Variants in SFRP5 observed in about 807,000 individuals in gnomAD.
SFRP5 encodes the protein secreted frizzled-related protein 5.
SFRP5 carries 22 observed loss-of-function variants against 27.0 expected under a neutral mutation model. The observed-to-expected ratio is 0.82, with a 90% confidence interval of 0.58 to 1.17. The LOEUF (loss-of-function observed/expected upper bound fraction) is 1.17. Ranked by LOEUF, SFRP5 falls within the 50% of genes most tolerant of loss-of-function variation. The pLI is 0.00. For synonymous variants in SFRP5, 171 were observed against 195.0 expected (o/e 0.88, Z 1.03); for missense variants, 406 against 436.6 (o/e 0.93, Z 0.63).
intron 2 of SFRP5, 68 bp downstream of exon 2, chr10:97,769,600 C>T: frequency 9.3e-7 from 1 of 1,073,540 alleles, no homozygotes; most frequent in Non-Finnish European, 1.4e-6. Flanking sequence ...ATGTATGTTC[C>T]CGTGTGCGTC....
intron 2 of SFRP5, 61 bp from the exon 3 acceptor site, chr10:97,767,921 G>A (rs917844482): frequency 4.6e-6 from 6 of 1,303,892 alleles, no homozygotes; most frequent in Non-Finnish European, 6.4e-6. Context: ...GATGCTGGTG[G>A]GCACAGAGTT....
chr10:97,768,479 C>A lies in SFRP5; in HGVS notation c.608-619G>T, dbSNP rs2136472057. Among the ~76,000 whole-genome samples the A allele has an allele frequency of 1.3e-5, 2 of 152,202 alleles. 1 individual carries two copies. Among genetic ancestry groups the A allele is most frequent in the East Asian group, 3.9e-4 (2 of 5,178 alleles). On this transcript the variant is annotated intron_variant, in intron 2 of 2. Coordinates refer to ENST00000266066, the MANE Select transcript of SFRP5 (RefSeq NM_003015.3). ...ATTGACATCCATGGGGTAAATACTC[C>A]CACCATAACTGACCGCATGACTGGG...
At position 97,769,368 on chromosome 10, in the gene SFRP5, C is replaced by T. The variant is rs550235052; in HGVS notation, c.607+300G>A. On this transcript the variant is annotated intron_variant, in intron 2 of 2. Coordinates refer to ENST00000266066, the MANE Select transcript of SFRP5 (RefSeq NM_003015.3). ...GCACTATCCACAGAGATGATCCAGTCATGGAGGGCCCTCTGAAAATGACAC... is the reference window on the plus strand; with the variant it reads ...GCACTATCCACAGAGATGATCCAGTTATGGAGGGCCCTCTGAAAATGACAC... Among the ~76,000 whole-genome samples, 3 of 152,374 alleles carry T rather than the reference C, an allele frequency of 2.0e-5. No homozygotes were observed. In the South Asian group the frequency reaches 6.2e-4, roughly 32 times the overall value.
At position 97,771,544 on chromosome 10, in the gene SFRP5, G is replaced by T. The variant is rs200715195; in HGVS notation, c.290C>A (p.Ala97Asp). The change falls in exon 1 of 3, where the codon GCC becomes GAC. Residue 97 changes from alanine to aspartate, a missense_variant. Transcript: ENST00000266066. This position sits in a 1 kb window ranked among gnomAD's most constrained non-coding sequence, Gnocchi z 5.2. ...QQASSWLPLLAKRCHSDTQVF... is the reference protein window; with the variant it reads ...QQASSWLPLLDKRCHSDTQVF... ...CTGCGTATCCGAGTGGCAGCGCTTG[G>T]CCAGCAGCGGCAGCCAGCTGCTCGC... is the stretch of plus-strand genomic sequence containing the variant. 10 of 1,611,078 alleles carry T rather than the reference G, an allele frequency of 6.2e-6. No individual in the cohort carries two copies. The East Asian group carries it at 2.0e-4, about 32-fold the overall frequency.
In SFRP5 at chr10:97,771,461, G is replaced by C; in HGVS notation, c.373C>G (p.Arg125Gly). 6.2e-7 allele frequency: 1 copy of C among 1,612,552 alleles called. No individual in the cohort carries two copies. The highest frequency in any genetic ancestry group is 8.5e-7 in the Non-Finnish European group (1 of 1,179,168). ...GCGCGCACGGCCTCGCACAGCGAGC[G>C]GCACGGGTAGATGGGCCGGTCGAGA... ...VCLDRPIYPCRSLCEAVRAGC... is the reference protein window; with the variant it reads ...VCLDRPIYPCGSLCEAVRAGC... Residue 125 changes from arginine to glycine, a missense_variant, in exon 1 of 3, where the codon CGC becomes GGC. By Grantham distance (125) the Arg-to-Gly change is moderately radical. Coordinates refer to ENST00000266066, the MANE Select transcript of SFRP5 (RefSeq NM_003015.3). The surrounding 1 kb of genome is among the most constrained non-coding windows in gnomAD (Gnocchi z 5.2).
chr10:97,768,473 A>G (rs2049497768), intron 2 of SFRP5, among the ~76,000 whole-genome samples: 1 of 152,060 alleles, frequency 6.6e-6, no homozygotes, highest in Admixed American at 6.5e-5. Context: ...CATGGGGTAA[A>G]TACTCCCACC....
intron 1 of SFRP5, among the ~76,000 whole-genome samples, chr10:97,770,277 C>T (rs1297504687): frequency 6.6e-6 from 1 of 152,180 alleles, no homozygotes; most frequent in Non-Finnish European, 1.5e-5. Flanking sequence ...ACCATGTTGG[C>T]CAGGCTGGTC....
chr10:97,767,564 G>C lies in SFRP5; in HGVS notation c.904C>G (p.Pro302Ala). The C allele has an allele frequency of 6.2e-7, 1 of 1,613,376 alleles. No homozygotes were observed. The highest frequency in any genetic ancestry group is 1.1e-5 in the South Asian group (1 of 91,068). The change falls in exon 3 of 3, where the codon CCC (proline) becomes GCC (alanine). Residue 302 changes from proline (P) to alanine (A), a missense_variant. Transcript: ENST00000266066. ...AAGAAAGGGTAGTAGAGGGAGCAGGGGTAGGAGAACATGAATTTGACTGCA... is the reference window on the plus strand; with the variant it reads ...AAGAAAGGGTAGTAGAGGGAGCAGGCGTAGGAGAACATGAATTTGACTGCA... The part of the protein sequence containing the change: ...KFAVKFMFSY[P>A]CSLYYPFFYG...
Position 97,771,230 on chromosome 10 carries a change from TGGG to T in SFRP5, c.529+72_529+74del, listed in dbSNP as rs1229555331. 1 of 819,142 alleles carries T rather than the reference TGGG, an allele frequency of 1.2e-6. No homozygotes were observed. Among genetic ancestry groups the T allele is most frequent in the Non-Finnish European group, 1.8e-6 (1 of 544,544 alleles). 50.7% of individuals were successfully genotyped at this position (819,142 alleles called of 1,614,324 possible). Reference sequence around the variant, plus strand: ...GGCGGAGGGGGGGAGCTGCACCTCTTGGGGGGTTCGCAGAGCTGTGCTAGGGGA... The same window carrying T: ...GGCGGAGGGGGGGAGCTGCACCTCTTGGGTTCGCAGAGCTGTGCTAGGGGA... On this transcript the variant is annotated intron_variant, in intron 1 of 2. Coordinates refer to ENST00000266066, the MANE Select transcript of SFRP5 (RefSeq NM_003015.3). The surrounding 1 kb of genome is among the most constrained non-coding windows in gnomAD (Gnocchi z 5.2).
At position 97,769,678 on chromosome 10, in the gene SFRP5, G is replaced by A. The variant is rs775279220; in HGVS notation, c.597C>T (p.Ser199=). The A allele has an allele frequency of 1.4e-5, 23 of 1,611,632 alleles. No individual in the cohort carries two copies. Among genetic ancestry groups the A allele is most frequent in the Non-Finnish European group, 1.9e-5 (22 of 1,178,564 alleles). ...GGGCCCCACACTCACCAAAGTCACT[G>A]GAGCACATCTGCTCCATGAGGCCGT... is the stretch of plus-strand genomic sequence containing the variant. ...SADGLMEQMC[S]SDFVVKMRIK... is the part of the protein sequence containing the mutation. Residue 199 remains serine (S), a synonymous_variant, in exon 2 of 3, where the codon TCC becomes TCT. Transcript: ENST00000266066.
Position 97,771,867 on chromosome 10 carries a change from C to T in SFRP5, c.-34G>A. On this transcript the variant is annotated 5_prime_UTR_variant, in exon 1 of 3. Transcript: ENST00000266066. The surrounding 1 kb of genome is among the most constrained non-coding windows in gnomAD (Gnocchi z 5.2). Reference sequence around the variant, plus strand: ...CCTCTCCAGGTGCGCGCCGCGCAGCCCCCCGACGCTCGGTGCCCGGCGGCC... The same window carrying T: ...CCTCTCCAGGTGCGCGCCGCGCAGCTCCCCGACGCTCGGTGCCCGGCGGCC... 5 of 1,025,540 alleles carry T rather than the reference C, an allele frequency of 4.9e-6. No homozygotes were observed. Among genetic ancestry groups the T allele is most frequent in the Non-Finnish European group, 5.8e-6 (5 of 857,202 alleles). The allele number at this position is 1,025,540 out of a possible 1,614,324, so 63.5% of individuals were successfully genotyped here. A position where few individuals can be genotyped will look rare whatever the true frequency, so the allele number is the denominator to read the frequency against.
chr10:97,767,720 C>T lies in SFRP5; in HGVS notation c.748G>A (p.Gly250Ser), dbSNP rs143588735. Reference protein sequence around the residue: ...TKRLVLHMKNGAGCPCPQLDS... With the variant: ...TKRLVLHMKNSAGCPCPQLDS... ...AGCTGTGGGCAGGGGCAGCCCGCGC[C>T]ATTCTTCATGTGCAGCACCAGCCGC... The change falls in exon 3 of 3, where the codon GGC (glycine) becomes AGC (serine). Residue 250 changes from glycine to serine, a missense_variant. Physicochemically the swap from Gly to Ser is moderately conservative, Grantham distance 56 (BLOSUM62 0). Coordinates refer to ENST00000266066, the MANE Select transcript of SFRP5 (RefSeq NM_003015.3). The T allele has an allele frequency of 1.5e-4, 246 of 1,613,786 alleles. No individual in the cohort carries two copies. The African/African-American group carries it at 3.0e-3, about 20-fold the overall frequency.
At position 97,771,813 on chromosome 10, in the gene SFRP5, CCCCG is replaced by C; in HGVS notation, c.17_20del (p.Ala6GlyfsTer79). ...CCAGCGCGGCCGTCCGCACGCCCCC[CCCCG>C]CCGCCGCCGCCCGCATGGCTGCGCC... On this transcript the variant is annotated frameshift_variant, in exon 1 of 3. Transcript: ENST00000266066. LOFTEE classifies it high-confidence loss of function. The surrounding 1 kb of genome is among the most constrained non-coding windows in gnomAD (Gnocchi z 5.2). The C allele has an allele frequency of 8.3e-7, 1 of 1,204,716 alleles. No homozygotes were observed. Among genetic ancestry groups the C allele is most frequent in the Non-Finnish European group, 1.0e-6 (1 of 974,926 alleles). The allele number at this position is 1,204,716 out of a possible 1,614,324, so 74.6% of individuals were successfully genotyped here.
Sources: allele counts gnomAD v4.1 joint callset (sites outside exome capture counted in the v4.1 genomes callset), GRCh38; gene constraint gnomAD v4.1.1; non-coding constraint Gnocchi (gnomAD v3.1); transcripts MANE v1.5; gene names NCBI Gene and HGNC (gene_info 2026-07-23, HGNC 2026-07-21).